The following HMGCLL1 variants were observed in gnomAD, a reference collection of about 807,000 sequenced individuals.
HMGCLL1 encodes the protein 3-hydroxy-3-methylglutaryl-CoA lyase like 1.
Under a neutral mutation model 39.1 loss-of-function variants are expected in HMGCLL1, and 36 were observed. That is an observed-to-expected ratio of 0.92 (90% CI 0.71 to 1.22). The LOEUF (loss-of-function observed/expected upper bound fraction) is 1.22, where lower values mean the gene tolerates loss of function less well. Among genes scored for constraint, HMGCLL1 ranks in the 50% most tolerant of loss-of-function variants. HMGCLL1 has a pLI of 0.00. For missense variants in HMGCLL1, 451 were observed against 416.5 expected (o/e 1.08, Z -0.72); for synonymous variants, 149 against 144.0 (o/e 1.03, Z -0.25).
chr6:55,577,212 T>A, intron 1 of HMGCLL1: 1 of 1,535,054 alleles, frequency 6.5e-7, no homozygotes, highest in Non-Finnish European at 8.8e-7. Flanking sequence ...ATGTTAGTGC[T>A]GCTGTGAGTT....
intron 7 of HMGCLL1, among the ~76,000 whole-genome samples, chr6:55,453,101 CA>C (rs1764173453): frequency 1.3e-5 from 2 of 152,020 alleles, no homozygotes; most frequent in African/African-American, 4.8e-5. Flanking sequence ...AGAGAAGAAG[CA>C]ATGTGGAAAA....
At chr6:55,505,758 G>A (rs1767122914) in intron 5 of HMGCLL1, among the ~76,000 whole-genome samples, 1 of 151,634 alleles carries the variant, frequency 6.6e-6, no homozygotes, top group African/African-American at 2.4e-5. Context: ...TCCTAAAGCT[G>A]TATATGCCTG....
the HMGCLL1 span, among the ~76,000 whole-genome samples, chr6:55,618,912 T>C: frequency 1.4e-4 from 21 of 152,134 alleles, no homozygotes; most frequent in African/African-American, 4.6e-4. Context: ...AGGAGACTAA[T>C]GACATTTTCA....
At chr6:55,593,741 T>C in the HMGCLL1 span, among the ~76,000 whole-genome samples, 3 of 152,178 alleles carry the variant, frequency 2.0e-5, no homozygotes, top group Non-Finnish European at 4.4e-5. Flanking sequence ...TAACAACCTA[T>C]ACCTAACTTA....
chr6:55,614,353 G>A, the HMGCLL1 span, among the ~76,000 whole-genome samples: 1 of 151,988 alleles, frequency 6.6e-6, no homozygotes. Context: ...TGCCAGTTAA[G>A]GATATAATAA....
chr6:55,565,362 T>C (rs1771163356), intron 1 of HMGCLL1, among the ~76,000 whole-genome samples: 1 of 152,112 alleles, frequency 6.6e-6, no homozygotes, highest in African/African-American at 2.4e-5. Flanking sequence ...TGCTACTTGG[T>C]AAAGAGGAGT....
intron 5 of HMGCLL1, among the ~76,000 whole-genome samples, chr6:55,501,487 C>A (rs2127428078): frequency 6.6e-6 from 1 of 151,968 alleles, no homozygotes; most frequent in African/African-American, 2.4e-5. Context: ...CTAAAGAAGT[C>A]AAGCTGCTTT....
At chr6:55,622,089 A>G in the HMGCLL1 span, among the ~76,000 whole-genome samples, 4 of 152,050 alleles carry the variant, frequency 2.6e-5, no homozygotes, top group East Asian at 1.9e-4. Flanking sequence ...CATTGTTAGC[A>G]TATAGAAATG....
chr6:55,621,531 G>A, the HMGCLL1 span, among the ~76,000 whole-genome samples: 1 of 151,862 alleles, frequency 6.6e-6, no homozygotes, highest in African/African-American at 2.4e-5. Context: ...ACCTGCCCAT[G>A]TGAGCAATCT....
chr6:55,466,937 T>C (rs1339514500), intron 7 of HMGCLL1, among the ~76,000 whole-genome samples: 2 of 152,208 alleles, frequency 1.3e-5, no homozygotes, highest in South Asian at 4.1e-4. Context: ...AGTTTTGGCA[T>C]CAGAATGTGT....
At chr6:55,662,553 GC>G in the HMGCLL1 span, among the ~76,000 whole-genome samples, 1 of 151,770 alleles carries the variant, frequency 6.6e-6, no homozygotes, top group Non-Finnish European at 1.5e-5. Context: ...TGGTGGAGTA[GC>G]TTTTTGACAT....
chr6:55,656,100 C>A, the HMGCLL1 span, among the ~76,000 whole-genome samples: 1 of 151,880 alleles, frequency 6.6e-6, no homozygotes, highest in Non-Finnish European at 1.5e-5. Context: ...AACTTCCTAT[C>A]GGGAATTTTT....
chr6:55,604,906 AT>A, the HMGCLL1 span, among the ~76,000 whole-genome samples: 2 of 135,992 alleles, frequency 1.5e-5, no homozygotes, highest in Non-Finnish European at 3.1e-5. Flanking sequence ...ATAAGTGACT[AT>A]TTTTTAAATG....
the HMGCLL1 span, among the ~76,000 whole-genome samples, chr6:55,633,819 A>T: frequency 2.0e-5 from 3 of 152,066 alleles, no homozygotes; most frequent in African/African-American, 7.2e-5. Flanking sequence ...AAAATACTTA[A>T]ATGATATGTT....
chr6:55,650,108 T>TACACACATATACATAC, the HMGCLL1 span, among the ~76,000 whole-genome samples: 1 of 75,814 alleles, frequency 1.3e-5, no homozygotes, highest in African/African-American at 5.3e-5. Context: ...TATATATATA[T>TACACACATATACATAC]ATATATATAT....
At chr6:55,501,419 C>A (rs72972039) in intron 5 of HMGCLL1, among the ~76,000 whole-genome samples, 23,059 of 151,726 alleles carry the variant, frequency 0.15, 2,192 homozygotes, top group Non-Finnish European at 0.21. Flanking sequence ...ATCATCTGAC[C>A]CACAACACCT....
At chr6:55,510,218 T>G (rs1330562598) in intron 5 of HMGCLL1, among the ~76,000 whole-genome samples, 1 of 152,014 alleles carries the variant, frequency 6.6e-6, no homozygotes, top group Non-Finnish European at 1.5e-5. Flanking sequence ...ATCAAATGAT[T>G]CTTGGCCATC....
chr6:55,623,844 C>T, the HMGCLL1 span, among the ~76,000 whole-genome samples: 2 of 152,066 alleles, frequency 1.3e-5, no homozygotes, highest in South Asian at 2.1e-4. Flanking sequence ...GGAATTCTGC[C>T]AGCTGCTAAG....
the HMGCLL1 span, among the ~76,000 whole-genome samples, chr6:55,591,742 G>A: frequency 0.01 from 1,537 of 150,100 alleles, 6 homozygotes; most frequent in Non-Finnish European, 0.016. Context: ...GTTTCCCAGA[G>A]TTCCCATGGA....
Sources: allele counts gnomAD v4.1 joint callset (sites outside exome capture counted in the v4.1 genomes callset), GRCh38; gene constraint gnomAD v4.1.1; transcripts MANE v1.5; gene names NCBI Gene and HGNC (gene_info 2026-07-23, HGNC 2026-07-21).